The following HNF4G variants were observed in gnomAD, a reference collection of about 807,000 sequenced individuals.
The protein encoded by HNF4G is hepatocyte nuclear factor 4 gamma.
Under a neutral mutation model 50.9 loss-of-function variants are expected in HNF4G, and 21 were observed. The observed-to-expected ratio is 0.41, with a 90% CI of 0.29 to 0.59. The LOEUF (loss-of-function observed/expected upper bound fraction) is 0.59. HNF4G is among the 20% of genes least tolerant of loss of function. HNF4G has a pLI of 0.26. For missense variants in HNF4G, 527 were observed against 559.4 expected (o/e 0.94, Z 0.58); for synonymous variants, 198 against 185.6 (o/e 1.07, Z -0.54).
intron 2 of HNF4G, 80 bp downstream of exon 2, chr8:75,544,059 A>T: frequency 7.8e-7 from 1 of 1,285,130 alleles, no homozygotes; most frequent in South Asian, 1.5e-5. Context: ...AAGAAAATTC[A>T]GAGTTTTCGT....
intron 1 of HNF4G, among the ~76,000 whole-genome samples, chr8:75,488,333 G>A (rs1006269540): frequency 6.6e-6 from 1 of 152,100 alleles, no homozygotes; most frequent in Admixed American, 6.6e-5. Flanking sequence ...GAGTGCGGTG[G>A]CGTGTTCTTG....
In HNF4G at chr8:75,455,980, A is replaced by G. The variant is rs79440315; in HGVS notation, c.-143-34109A>G. 1.4e-3 allele frequency among the ~76,000 whole-genome samples: 208 copies of G among 152,258 alleles called. 1 individual carries two copies. Among genetic ancestry groups the G allele is most frequent in the African/African-American group, 4.4e-3 (181 of 41,568 alleles). ...TATAGAATTAGATATTTTAAATCAGAGCTAGCTGCAACAAGTTATACGAGC... is the reference window on the plus strand; with the variant it reads ...TATAGAATTAGATATTTTAAATCAGGGCTAGCTGCAACAAGTTATACGAGC... On this transcript the variant is annotated intron_variant, in intron 1 of 10. Coordinates refer to the HNF4G transcript ENST00000354370.
At chr8:75,431,308 T>C (rs892439494) in intron 1 of HNF4G, among the ~76,000 whole-genome samples, 1 of 152,174 alleles carries the variant, frequency 6.6e-6, no homozygotes, top group African/African-American at 2.4e-5. Context: ...GTGATAATAG[T>C]TGAGTTACTT....
intron 1 of HNF4G, among the ~76,000 whole-genome samples, chr8:75,470,670 A>G (rs1211337089): frequency 6.6e-6 from 1 of 152,198 alleles, no homozygotes; most frequent in Non-Finnish European, 1.5e-5. Context: ...AATAGGTAGT[A>G]TTTTACTAAA....
intron 2 of HNF4G, among the ~76,000 whole-genome samples, chr8:75,504,265 AC>A (rs1563532198): frequency 0.021 from 2,601 of 125,734 alleles, 84 homozygotes; most frequent in East Asian, 0.14. Flanking sequence ...ACACACACAC[AC>A]ACACACACAC....
intron 2 of HNF4G, among the ~76,000 whole-genome samples, chr8:75,525,180 T>C (rs955689649): frequency 6.6e-6 from 1 of 152,126 alleles, no homozygotes; most frequent in African/African-American, 2.4e-5. Flanking sequence ...TCTTTTCTGA[T>C]TTTTTTCGAG....
intron 1 of HNF4G, among the ~76,000 whole-genome samples, chr8:75,468,660 C>T (rs1187554940): frequency 1.3e-5 from 2 of 152,010 alleles, no homozygotes; most frequent in South Asian, 4.2e-4. Flanking sequence ...TGCCACTGCA[C>T]TCCAGCCTGG....
intron 9 of HNF4G, among the ~76,000 whole-genome samples, chr8:75,561,341 C>T (rs973457804): frequency 2.0e-4 from 30 of 152,176 alleles, no homozygotes; most frequent in Non-Finnish European, 4.1e-4. Context: ...GCTACTTCTT[C>T]TGTGACTGCA....
intron 2 of HNF4G, among the ~76,000 whole-genome samples, chr8:75,518,651 A>T (rs1303391818): frequency 6.6e-6 from 1 of 152,106 alleles, no homozygotes; most frequent in African/African-American, 2.4e-5. Context: ...CCTGAGCTCT[A>T]TGTTGGCCAC....
intron 9 of HNF4G, among the ~76,000 whole-genome samples, chr8:75,562,217 C>A (rs574364264): frequency 6.6e-6 from 1 of 151,920 alleles, no homozygotes; most frequent in Non-Finnish European, 1.5e-5. Context: ...TGGTAGGGAA[C>A]GTAGAAGCCA....
In HNF4G at chr8:75,549,164, T is replaced by A. The variant is rs1269929543; in HGVS notation, c.382+1483T>A. On this transcript the variant is annotated intron_variant, in intron 3 of 9. Coordinates refer to ENST00000396423, the MANE Select transcript of HNF4G (RefSeq NM_004133.5). ...ATTTTATCTTTTGTTCATAAAAGAA[T>A]GTGTTATTTTCTTAAATAAACTGGA... is the stretch of plus-strand genomic sequence containing the variant. 2.0e-5 allele frequency among the ~76,000 whole-genome samples: 3 copies of A among 152,228 alleles called. No homozygotes were observed. The East Asian group carries it at 5.8e-4, about 29-fold the overall frequency.
rs370751475 is a variant in HNF4G, at chr8:75,517,512, G to T, written c.-23-26299G>T. On this transcript the variant is annotated intron_variant, in intron 2 of 10. Coordinates refer to the HNF4G transcript ENST00000354370. The stretch of plus-strand genomic sequence containing the variant: ...CACCTGTTCCAAATGGGAAAAATTG[G>T]CCAAAATAAAGGGGCTACAGGCCCT... 2.0e-5 allele frequency among the ~76,000 whole-genome samples: 3 copies of T among 152,216 alleles called. No individual in the cohort carries two copies. The South Asian group carries it at 6.2e-4, about 32-fold the overall frequency.
At chr8:75,471,640 T>C (rs1259269964) in intron 1 of HNF4G, among the ~76,000 whole-genome samples, 1 of 152,182 alleles carries the variant, frequency 6.6e-6, no homozygotes, top group East Asian at 1.9e-4. Context: ...TTCTTTCTTT[T>C]AAAGGAGGCA....
In HNF4G at chr8:75,547,567, G is replaced by T. The variant is rs1304772875; in HGVS notation, c.288-20G>T. The T allele has an allele frequency of 2.0e-6, 3 of 1,491,410 alleles. No homozygotes were observed. Among genetic ancestry groups the T allele is most frequent in the Admixed American group, 1.7e-5 (1 of 57,888 alleles). 92.4% of individuals were successfully genotyped at this position (1,491,410 alleles called of 1,614,324 possible). On this transcript the variant is annotated intron_variant, in intron 2 of 9. Coordinates refer to ENST00000396423, the MANE Select transcript of HNF4G (RefSeq NM_004133.5). Reference sequence around the variant, plus strand: ...TGTAAATTATAGTTTTCTGCAAACTGATATATCTTTATGTTATAGGTTCAG... The same window carrying T: ...TGTAAATTATAGTTTTCTGCAAACTTATATATCTTTATGTTATAGGTTCAG...
At chr8:75,466,438 T>A (rs1187097172) in intron 1 of HNF4G, among the ~76,000 whole-genome samples, 1 of 152,006 alleles carries the variant, frequency 6.6e-6, no homozygotes, top group Non-Finnish European at 1.5e-5. Context: ...TCAGTGAAAA[T>A]CCACTTTCTT....
intron 2 of HNF4G, chr8:75,527,110 C>T (rs911674541): frequency 2.0e-5 from 3 of 152,124 alleles, no homozygotes; most frequent in Non-Finnish European, 4.4e-5. Flanking sequence ...GTTTAGTGCC[C>T]TGTTTGCCTC....
At position 75,493,801 on chromosome 8, in the gene HNF4G, AT is replaced by A. The variant is rs1801860220; in HGVS notation, c.-24+3597del. The stretch of plus-strand genomic sequence containing the variant: ...GAAAACTTTTTTGCTGAACTTGTTA[AT>A]TTTATTAAGCCTGATTATGTTTTAA... On this transcript the variant is annotated intron_variant, in intron 2 of 10. Coordinates refer to the HNF4G transcript ENST00000354370. Among the ~76,000 whole-genome samples the A allele has an allele frequency of 2.6e-5, 4 of 152,230 alleles. No homozygotes were observed. In the South Asian group the frequency reaches 8.3e-4, roughly 32 times the overall value.
intron 1 of HNF4G, among the ~76,000 whole-genome samples, chr8:75,414,575 C>A (rs368906196): frequency 6.6e-6 from 1 of 152,132 alleles, no homozygotes; most frequent in African/African-American, 2.4e-5. Flanking sequence ...CCCAAAGCAA[C>A]CATTGATCTA....
chr8:75,491,342 C>T (rs773203763), intron 2 of HNF4G, among the ~76,000 whole-genome samples: 5 of 152,002 alleles, frequency 3.3e-5, no homozygotes, highest in Non-Finnish European at 7.4e-5. Flanking sequence ...CCAATAAATA[C>T]ATGTTGAGAA....
Sources: gnomAD v4.1 joint callset for allele counts (sites outside exome capture counted in the v4.1 genomes callset) on GRCh38, gnomAD v4.1.1 for gene constraint, MANE v1.5 for transcripts, NCBI Gene and HGNC (gene_info 2026-07-23, HGNC 2026-07-21) for gene names.